The following ARID2 variants were observed in gnomAD, a reference collection of about 807,000 sequenced individuals.
The protein encoded by ARID2 is AT-rich interaction domain 2.
Under a neutral mutation model 184.6 loss-of-function variants are expected in ARID2, and 32 were observed. The observed-to-expected ratio is 0.17, with a 90% confidence interval of 0.13 to 0.23. The LOEUF (loss-of-function observed/expected upper bound fraction) is 0.23, where lower values mean the gene tolerates loss of function less well. ARID2 is among the 10% of genes least tolerant of loss of function. The probability of loss-of-function intolerance (pLI) is 1.00; values close to 1 mark genes in which losing one functional copy is unlikely to be tolerated. For missense variants in ARID2, 1,696 were observed against 2,197.6 expected (o/e 0.77, Z 4.56); for synonymous variants, 836 against 772.6 (o/e 1.08, Z -1.36).
Position 45,852,497 on chromosome 12 carries a change from A to C in ARID2, c.4374A>C (p.Ser1458=). ...LNGPLASSLN[S]DVPQQRPSVV... ...GACCTCTAGCTTCAAGTTTGAATTC[A>C]GATGTGCCTCAGCAACGCCCAAGTG... is the stretch of plus-strand genomic sequence containing the variant. Residue 1458 remains serine (S), a synonymous_variant, in exon 15 of 21, where the codon TCA becomes TCC. Transcript: ENST00000334344. 2 of 1,614,182 alleles carry C rather than the reference A, an allele frequency of 1.2e-6. No homozygotes were observed. Among genetic ancestry groups the C allele is most frequent in the South Asian group, 1.1e-5 (1 of 91,088 alleles).
At chr12:45,881,643 T>C (rs980495204) in intron 16 of ARID2, 1 of 161,970 alleles carries the variant, frequency 6.2e-6, no homozygotes, top group Non-Finnish European at 1.4e-5. Flanking sequence ...TCCCTTCCGG[T>C]GGATTTTTTT....
intron 4 of ARID2, among the ~76,000 whole-genome samples, chr12:45,814,543 A>G (rs1194081433): frequency 3.9e-5 from 6 of 152,034 alleles, no homozygotes; most frequent in Non-Finnish European, 5.9e-5. Context: ...CCAGCTACTC[A>G]GGAGGCTGAG....
At chr12:45,804,504 G>A (rs1774654936) in intron 3 of ARID2, among the ~76,000 whole-genome samples, 1 of 151,758 alleles carries the variant, frequency 6.6e-6, no homozygotes, top group Non-Finnish European at 1.5e-5. Flanking sequence ...GTGTGTGTGT[G>A]TGTGTCTGTA....
intron 3 of ARID2, among the ~76,000 whole-genome samples, chr12:45,798,769 GT>G (rs1218041173): frequency 2.0e-5 from 3 of 152,106 alleles, no homozygotes; most frequent in East Asian, 3.9e-4. Context: ...AATTGTAATG[GT>G]TCTACTTATA....
intron 3 of ARID2, among the ~76,000 whole-genome samples, chr12:45,742,029 A>T (rs1343043076): frequency 6.6e-6 from 1 of 152,172 alleles, no homozygotes; most frequent in Non-Finnish European, 1.5e-5. Flanking sequence ...CTAGTTCTCT[A>T]CAATAGTATA....
chr12:45,891,500 T>C (rs1277478396), intron 16 of ARID2, among the ~76,000 whole-genome samples: 1 of 152,218 alleles, frequency 6.6e-6, no homozygotes, highest in Admixed American at 6.5e-5. Context: ...TGAAATCTAG[T>C]AAATGCTTGA....
intron 4 of ARID2, among the ~76,000 whole-genome samples, chr12:45,811,973 C>A (rs1942717559): frequency 6.6e-6 from 1 of 151,770 alleles, no homozygotes; most frequent in African/African-American, 2.4e-5. Flanking sequence ...TATTTTCCTG[C>A]CATGGTAGCA....
intron 3 of ARID2, among the ~76,000 whole-genome samples, chr12:45,780,609 A>G (rs999534976): frequency 6.6e-6 from 1 of 151,828 alleles, no homozygotes; most frequent in African/African-American, 2.4e-5. Context: ...AAATTGATAT[A>G]AATTATTATT....
intron 3 of ARID2, among the ~76,000 whole-genome samples, chr12:45,747,304 T>C (rs1299347334): frequency 1.3e-5 from 2 of 152,200 alleles, no homozygotes; most frequent in Non-Finnish European, 2.9e-5. Context: ...TTTTTACAAA[T>C]ATTTATCTCA....
At chr12:45,811,354 T>C in intron 3 of ARID2, 64 bp from the exon 4 acceptor site, 1 of 1,481,786 alleles carries the variant, frequency 6.7e-7, no homozygotes, top group East Asian at 2.4e-5. Context: ...AAATATGTGG[T>C]GAGAGTTAAA....
intron 3 of ARID2, among the ~76,000 whole-genome samples, chr12:45,738,711 T>C (rs1206084910): frequency 6.6e-6 from 1 of 151,170 alleles, no homozygotes; most frequent in African/African-American, 2.4e-5. Context: ...TCTTTTTTTA[T>C]GTATAAAAGC....
rs368615003 is a variant in ARID2, at chr12:45,846,821, A to C, written c.1499-35A>C. 15 of 1,602,878 alleles carry C rather than the reference A, an allele frequency of 9.4e-6. No homozygotes were observed. In the African/African-American group the frequency reaches 2.0e-4, roughly 21 times the overall value. On this transcript the variant is annotated intron_variant, in intron 11 of 20. Transcript: ENST00000334344. Reference sequence around the variant, plus strand: ...GTATGGCAAATAGTGACTAACTTTTAAGAAATGATGTAGCTAATGTATTTT... The same window carrying C: ...GTATGGCAAATAGTGACTAACTTTTCAGAAATGATGTAGCTAATGTATTTT...
intron 2 of ARID2, among the ~76,000 whole-genome samples, chr12:45,730,823 C>T (rs1478094755): frequency 1.3e-5 from 2 of 151,502 alleles, no homozygotes; most frequent in Admixed American, 6.6e-5. Flanking sequence ...CCCCGGCCCC[C>T]CCCCCAACCC....
intron 3 of ARID2, among the ~76,000 whole-genome samples, chr12:45,754,301 G>A (rs549938111): frequency 6.6e-6 from 1 of 152,306 alleles, no homozygotes; most frequent in Non-Finnish European, 1.5e-5. Context: ...TTAGTAGGTC[G>A]TAAAAGGCCC....
At chr12:45,795,290 C>T (rs1942369511) in intron 3 of ARID2, among the ~76,000 whole-genome samples, 1 of 152,126 alleles carries the variant, frequency 6.6e-6, no homozygotes, top group Non-Finnish European at 1.5e-5. Context: ...AAGTCTACTC[C>T]TGTTCTCATG....
chr12:45,860,236 A>C (rs903361209), intron 15 of ARID2, among the ~76,000 whole-genome samples: 2 of 152,216 alleles, frequency 1.3e-5, no homozygotes, highest in Non-Finnish European at 2.9e-5. Flanking sequence ...AAAATAACAA[A>C]AATACATAAT....
In ARID2 at chr12:45,824,455, C is replaced by T. The variant is rs539428323; in HGVS notation, c.705+2968C>T. On this transcript the variant is annotated intron_variant, in intron 6 of 20. Transcript: ENST00000334344. ...AATCAAGCAAGAGAAAGGAATAAAA[C>T]TTCAGTAAAGTTGCAGGATACATTT... 5.9e-5 allele frequency among the ~76,000 whole-genome samples: 9 copies of T among 151,960 alleles called. No homozygotes were observed. The South Asian group carries it at 1.7e-3, about 28-fold the overall frequency.
rs1464935072 is a variant in ARID2 at position 45,905,149 on chromosome 12, A to C, written c.*71A>C. On this transcript the variant is annotated 3_prime_UTR_variant, in exon 21 of 21. Coordinates refer to ENST00000334344, the MANE Select transcript of ARID2 (RefSeq NM_152641.4). Reference sequence around the variant, plus strand: ...TTCACATACTGTTACTGAAGAAAGCACCAAGTCTTAATGGAACAAAGACCA... The same window carrying C: ...TTCACATACTGTTACTGAAGAAAGCCCCAAGTCTTAATGGAACAAAGACCA... 2.0e-6 allele frequency: 3 copies of C among 1,491,510 alleles called. No homozygotes were observed. Among genetic ancestry groups the C allele is most frequent in the Non-Finnish European group, 2.7e-6 (3 of 1,101,660 alleles). 92.4% of individuals were successfully genotyped at this position (1,491,510 alleles called of 1,614,324 possible). A position where few individuals can be genotyped will look rare whatever the true frequency, so the allele number is the denominator to read the frequency against.
chr12:45,895,292 G>C (rs557663165), intron 20 of ARID2, among the ~76,000 whole-genome samples: 24 of 152,216 alleles, frequency 1.6e-4, no homozygotes, highest in African/African-American at 5.3e-4. Context: ...CAACTCAGTG[G>C]TTACTGCTTC....
Sources: gnomAD v4.1 joint callset for allele counts (sites outside exome capture counted in the v4.1 genomes callset) on GRCh38, gnomAD v4.1.1 for gene constraint, MANE v1.5 for transcripts, NCBI Gene and HGNC (gene_info 2026-07-23, HGNC 2026-07-21) for gene names.